Variants in HHAT observed in about 807,000 individuals in gnomAD.
HHAT encodes the protein protein-cysteine N-palmitoyltransferase HHAT.
Under a neutral mutation model 70.8 loss-of-function variants are expected in HHAT, and 47 were observed. The observed-to-expected ratio is 0.66, with a 90% CI of 0.53 to 0.85. The LOEUF (loss-of-function observed/expected upper bound fraction) is 0.85. Among genes scored for constraint, HHAT ranks in the 40% least tolerant of loss-of-function variants. The pLI is 0.00. For synonymous variants in HHAT, 228 were observed against 247.6 expected (o/e 0.92, Z 0.74); for missense variants, 609 against 604.8 (o/e 1.01, Z -0.07).
chr1:210,441,028 C>T (rs1013609938), intron 7 of HHAT, among the ~76,000 whole-genome samples: 8 of 152,206 alleles, frequency 5.3e-5, no homozygotes, highest in African/African-American at 1.9e-4. Flanking sequence ...TCAAACCCCA[C>T]AATATGCCAC....
At chr1:210,613,310 C>G (rs913144932) in intron 10 of HHAT, among the ~76,000 whole-genome samples, 1 of 152,142 alleles carries the variant, frequency 6.6e-6, no homozygotes, top group Non-Finnish European at 1.5e-5. Flanking sequence ...CAGTTTCGTT[C>G]TTTTGCATGT....
chr1:210,469,949 T>C (rs1417968018), intron 8 of HHAT, among the ~76,000 whole-genome samples: 1 of 152,190 alleles, frequency 6.6e-6, no homozygotes, highest in Non-Finnish European at 1.5e-5. Context: ...AGGTTTTAAG[T>C]TCCGCATGCA....
chr1:210,560,300 A>G (rs567340430), intron 9 of HHAT, among the ~76,000 whole-genome samples: 1 of 152,248 alleles, frequency 6.6e-6, no homozygotes, highest in East Asian at 1.9e-4. Flanking sequence ...ACTTCCTCAG[A>G]GTCAAAGGTT....
chr1:210,596,851 T>C (rs1188931409), intron 10 of HHAT, among the ~76,000 whole-genome samples: 1 of 152,196 alleles, frequency 6.6e-6, no homozygotes, highest in African/African-American at 2.4e-5. Flanking sequence ...TGAGGTCATA[T>C]TTTCATGGAT....
intron 4 of HHAT, among the ~76,000 whole-genome samples, chr1:210,389,819 G>C (rs1338805226): frequency 6.6e-6 from 1 of 152,168 alleles, no homozygotes; most frequent in Non-Finnish European, 1.5e-5. Flanking sequence ...CCATTAATGA[G>C]GGCAGAGCTC....
At chr1:210,381,322 C>T (rs916816258) in intron 3 of HHAT, among the ~76,000 whole-genome samples, 1 of 151,990 alleles carries the variant, frequency 6.6e-6, no homozygotes, top group African/African-American at 2.4e-5. Flanking sequence ...GCTCTGTTAC[C>T]TAGGTTGGAG....
intron 9 of HHAT, among the ~76,000 whole-genome samples, chr1:210,514,179 G>A (rs12021963): frequency 0.074 from 11,269 of 152,160 alleles, 1,092 homozygotes; most frequent in East Asian, 0.32. Flanking sequence ...GTGATGTTCC[G>A]AGTGAGGCCA....
At chr1:210,584,581 GC>G (rs1660018512) in intron 9 of HHAT, among the ~76,000 whole-genome samples, 2 of 152,094 alleles carry the variant, frequency 1.3e-5, no homozygotes, top group Non-Finnish European at 1.5e-5. Flanking sequence ...AGACTACTGT[GC>G]CCTGGGCTGT....
intron 1 of HHAT, among the ~76,000 whole-genome samples, chr1:210,337,838 C>G (rs1228978074): frequency 1.2e-5 from 1 of 81,494 alleles, no homozygotes; most frequent in Non-Finnish European, 2.2e-5. Context: ...TTTGGTGGAC[C>G]CCACAGAGGG....
intron 10 of HHAT, among the ~76,000 whole-genome samples, chr1:210,596,468 C>G (rs1421914135): frequency 2.0e-5 from 3 of 151,996 alleles, no homozygotes; most frequent in African/African-American, 7.3e-5. Context: ...TTAGATTTGC[C>G]TTTTCGAGGC....
intron 7 of HHAT, among the ~76,000 whole-genome samples, chr1:210,446,556 A>G (rs1207895569): frequency 1.3e-5 from 2 of 152,092 alleles, no homozygotes; most frequent in African/African-American, 4.8e-5. Flanking sequence ...TTAACAAAAC[A>G]CCACGTGGTC....
chr1:210,360,656 G>A lies in HHAT; in HGVS notation c.92-2196G>A, dbSNP rs746164673. ...AGCTATGCTGTCCAATATTGTACTC[G>A]TGGGCCACATCTGGATAGGGAGCAT... On this transcript the variant is annotated intron_variant, in intron 2 of 11. Transcript: ENST00000261458. Among the ~76,000 whole-genome samples the A allele has an allele frequency of 9.2e-5, 14 of 152,150 alleles. No individual in the cohort carries two copies. In the South Asian group the frequency reaches 1.2e-3, roughly 14 times the overall value.
intron 3 of HHAT, among the ~76,000 whole-genome samples, chr1:210,383,337 CA>C (rs11318486): frequency 0.78 from 118,417 of 152,036 alleles, 46,939 homozygotes; most frequent in African/African-American, 0.93. Context: ...GAGACTGTCT[CA>C]AAAAAGAGCT....
intron 10 of HHAT, among the ~76,000 whole-genome samples, chr1:210,598,264 G>A (rs1663459313): frequency 6.6e-6 from 1 of 151,878 alleles, no homozygotes; most frequent in Non-Finnish European, 1.5e-5. Flanking sequence ...GAAGGAATCT[G>A]TCTTGGAGCT....
chr1:210,345,182 G>T (rs79502276), intron 1 of HHAT, among the ~76,000 whole-genome samples: 1 of 152,062 alleles, frequency 6.6e-6, no homozygotes, highest in African/African-American at 2.4e-5. Flanking sequence ...TGGGTTCTGC[G>T]CTGGGATGGC....
chr1:210,538,200 A>ATG (rs1267914635), intron 9 of HHAT, among the ~76,000 whole-genome samples: 1 of 152,174 alleles, frequency 6.6e-6, no homozygotes, highest in African/African-American at 2.4e-5. Context: ...GCAAAAGGCA[A>ATG]TGTATTCCTC....
chr1:210,358,374 A>G (rs1010459817), intron 2 of HHAT, among the ~76,000 whole-genome samples: 2 of 152,212 alleles, frequency 1.3e-5, no homozygotes, highest in Non-Finnish European at 2.9e-5. Flanking sequence ...ACATTTATGC[A>G]GTGTCTCCTT....
intron 8 of HHAT, among the ~76,000 whole-genome samples, chr1:210,500,453 C>A (rs2094731245): frequency 6.6e-6 from 1 of 152,180 alleles, no homozygotes. Flanking sequence ...GAAGTCAACC[C>A]TTAGAAGCCT....
intron 9 of HHAT, among the ~76,000 whole-genome samples, chr1:210,585,666 G>A (rs1317435084): frequency 2.6e-5 from 4 of 152,088 alleles, no homozygotes; most frequent in African/African-American, 4.8e-5. Flanking sequence ...TGATCCACCC[G>A]CCTCAGCCTC....
Sources: gnomAD v4.1 joint callset for allele counts (sites outside exome capture counted in the v4.1 genomes callset) on GRCh38, gnomAD v4.1.1 for gene constraint, MANE v1.5 for transcripts, NCBI Gene and HGNC (gene_info 2026-07-23, HGNC 2026-07-21) for gene names.